The following EYS variants were observed in gnomAD, a reference collection of about 807,000 sequenced individuals.
The protein encoded by EYS is EGF-like photoreceptor maintenance factor.
Under a neutral mutation model 282.1 loss-of-function variants are expected in EYS, and 250 were observed. That is an observed-to-expected ratio of 0.89 (90% CI 0.80 to 0.98). The LOEUF is 0.98. EYS is among the 50% of genes least tolerant of loss of function. The probability of loss-of-function intolerance (pLI) is 0.00; values close to 1 mark genes in which losing one functional copy is unlikely to be tolerated. For missense variants in EYS, 4,016 were observed against 3,709.0 expected (o/e 1.08, Z -2.15); for synonymous variants, 1,355 against 1,282.9 (o/e 1.06, Z -1.20).
chr6:64,313,516 T>C (rs1371484649), intron 29 of EYS, among the ~76,000 whole-genome samples: 1 of 151,934 alleles, frequency 6.6e-6, no homozygotes, highest in Non-Finnish European at 1.5e-5. Context: ...ACATTCAAAT[T>C]CAGGAAAAAC....
chr6:64,738,250 C>T (rs1419088533), intron 22 of EYS, among the ~76,000 whole-genome samples: 1 of 152,130 alleles, frequency 6.6e-6, no homozygotes, highest in African/African-American at 2.4e-5. Context: ...TGGCTTGATA[C>T]CCTCCCTACA....
chr6:64,526,893 T>G (rs1056292137), intron 26 of EYS, among the ~76,000 whole-genome samples: 3 of 151,850 alleles, frequency 2.0e-5, no homozygotes, highest in Non-Finnish European at 1.5e-5. Flanking sequence ...AATACTGAGT[T>G]GCATAATTGT....
At chr6:64,928,936 C>T (rs1768608557) in intron 15 of EYS, among the ~76,000 whole-genome samples, 1 of 152,072 alleles carries the variant, frequency 6.6e-6, no homozygotes, top group Admixed American at 6.6e-5. Context: ...AAATTATAAT[C>T]TTCTGGGCTT....
intron 22 of EYS, among the ~76,000 whole-genome samples, chr6:64,748,072 A>C (rs1459827384): frequency 6.6e-6 from 1 of 152,226 alleles, no homozygotes; most frequent in Non-Finnish European, 1.5e-5. Flanking sequence ...AAGAGTGTGG[A>C]GAACATAGAT....
rs56290982 is a variant in EYS at position 63,798,987 on chromosome 6, G to GTATATATATA, written c.7411+7193_7411+7202dup. On this transcript the variant is annotated intron_variant, in intron 37 of 42. Coordinates refer to ENST00000503581, the MANE Select transcript of EYS (RefSeq NM_001142800.2). ...TGTATATATATATATGTATATGTGT[G>GTATATATATA]TATATATATATATATATATATATAT... 8.3e-3 allele frequency among the ~76,000 whole-genome samples: 712 copies of GTATATATATA among 85,674 alleles called. 3 individuals are homozygous for GTATATATATA. The highest frequency in any genetic ancestry group is 0.011 in the Non-Finnish European group (510 of 48,024). The allele number at this position is 85,674 out of a possible 152,430, so 56.2% of individuals were successfully genotyped here.
At chr6:63,897,596 C>T (rs78076435) in intron 35 of EYS, among the ~76,000 whole-genome samples, 1,738 of 152,198 alleles carry the variant, frequency 0.011, 37 homozygotes, top group African/African-American at 0.04. Context: ...TTGGTTTCAC[C>T]GCAGTGAAAT....
At chr6:65,476,639 C>A (rs1372943659) in intron 5 of EYS, among the ~76,000 whole-genome samples, 1 of 151,706 alleles carries the variant, frequency 6.6e-6, no homozygotes, top group African/African-American at 2.4e-5. Flanking sequence ...TGCAGTGGTG[C>A]GATCTCAGCT....
At chr6:63,844,910 T>C (rs2149699520) in intron 36 of EYS, among the ~76,000 whole-genome samples, 1 of 152,332 alleles carries the variant, frequency 6.6e-6, no homozygotes, top group South Asian at 2.1e-4. Context: ...TTGCTTTTGA[T>C]GTTTTTATCA....
chr6:64,847,730 C>T (rs551425635), intron 19 of EYS, among the ~76,000 whole-genome samples: 1 of 151,966 alleles, frequency 6.6e-6, no homozygotes, highest in South Asian at 2.1e-4. Flanking sequence ...AACAAAAAAA[C>T]CATACTTTTT....
In EYS at chr6:65,057,636, G is replaced by A. The variant is rs1394975481; in HGVS notation, c.2115C>T (p.Cys705=). The change falls in exon 13 of 43, where the codon TGC becomes TGT. Residue 705 remains cysteine (C), a synonymous_variant. Coordinates refer to ENST00000503581, the MANE Select transcript of EYS (RefSeq NM_001142800.2). ...TACCTTTAAATGGAGGCACACACTG[G>A]CAGAAGTAATTACCAGGTTGGTCAA... ...TCIDQPGNYF[C]QCVPPFKVVD... 2 of 1,549,310 alleles carry A rather than the reference G, an allele frequency of 1.3e-6. No individual in the cohort carries two copies. Among genetic ancestry groups the A allele is most frequent in the Admixed American group, 3.9e-5 (2 of 50,944 alleles).
intron 11 of EYS, among the ~76,000 whole-genome samples, chr6:65,320,539 A>G (rs1769446161): frequency 6.6e-6 from 1 of 152,160 alleles, no homozygotes; most frequent in African/African-American, 2.4e-5. Flanking sequence ...GCCTCTTGGT[A>G]CAGTGGAGGA....
intron 35 of EYS, among the ~76,000 whole-genome samples, chr6:63,969,892 C>T (rs1399960355): frequency 6.6e-6 from 1 of 152,160 alleles, no homozygotes; most frequent in Non-Finnish European, 1.5e-5. Flanking sequence ...TGTTTAATGC[C>T]ATTCATTTTC....
At chr6:64,226,472 T>C (rs1488737750) in intron 31 of EYS, among the ~76,000 whole-genome samples, 2 of 152,130 alleles carry the variant, frequency 1.3e-5, no homozygotes, top group African/African-American at 4.8e-5. Context: ...TTAAAAATGT[T>C]AATCTTATAA....
chr6:64,691,659 A>G (rs1770388203), intron 22 of EYS, among the ~76,000 whole-genome samples: 1 of 152,022 alleles, frequency 6.6e-6, no homozygotes, highest in Admixed American at 6.6e-5. Context: ...ACCTTCCTCC[A>G]TCCTCTAGTA....
chr6:64,372,509 CTG>C (rs1328806325), intron 29 of EYS, among the ~76,000 whole-genome samples: 137 of 151,982 alleles, frequency 9.0e-4, no homozygotes, highest in African/African-American at 3.1e-3. Context: ...TCTGATGTCT[CTG>C]TGTCTTGGGG....
intron 30 of EYS, among the ~76,000 whole-genome samples, chr6:64,263,402 A>T (rs1177943309): frequency 1.3e-5 from 2 of 151,920 alleles, no homozygotes; most frequent in Admixed American, 6.6e-5. Flanking sequence ...TGTTGGTTTT[A>T]TATCTCATCT....
rs552473221 is a variant in EYS at position 64,871,350 on chromosome 6, G to A, written c.2992+15347C>T. On this transcript the variant is annotated intron_variant, in intron 19 of 42. Coordinates refer to ENST00000503581, the MANE Select transcript of EYS (RefSeq NM_001142800.2). ...AAAAAAAAAAAAAAATCTTGTTTTG[G>A]TCACAGAGTGGAAAGTACCTGTAGA... 4.6e-5 allele frequency among the ~76,000 whole-genome samples: 7 copies of A among 150,932 alleles called. 1 individual carries two copies. Among genetic ancestry groups the A allele is most frequent in the African/African-American group, 1.7e-4 (7 of 41,238 alleles).
intron 22 of EYS, among the ~76,000 whole-genome samples, chr6:64,640,335 A>C (rs1215535984): frequency 2.6e-5 from 4 of 151,924 alleles, no homozygotes; most frequent in Non-Finnish European, 5.9e-5. Flanking sequence ...TCCAACAATG[A>C]TAGACTGGAT....
At chr6:65,570,905 C>T (rs1042310486) in intron 2 of EYS, among the ~76,000 whole-genome samples, 2 of 151,836 alleles carry the variant, frequency 1.3e-5, no homozygotes, top group African/African-American at 4.8e-5. Context: ...TTACTTGCTC[C>T]TTTGTTTATA....
Sources: allele counts gnomAD v4.1 joint callset (sites outside exome capture counted in the v4.1 genomes callset), GRCh38; gene constraint gnomAD v4.1.1; transcripts MANE v1.5; gene names NCBI Gene and HGNC (gene_info 2026-07-23, HGNC 2026-07-21).